Variants in ACTR3 observed in about 807,000 individuals in gnomAD.
ACTR3 encodes the protein actin related protein 3.
In ACTR3, 12 loss-of-function variants were observed where a neutral mutation model predicts 56.8. The ratio of observed to expected loss-of-function variants is 0.21; its 90% CI spans 0.14 to 0.34. ACTR3 has a LOEUF of 0.34. ACTR3 is among the 10% of genes least tolerant of loss of function. The probability of loss-of-function intolerance (pLI) is 1.00; values close to 1 mark genes in which losing one functional copy is unlikely to be tolerated. For missense variants in ACTR3, 282 were observed against 512.5 expected, an observed-to-expected ratio of 0.55 and a Z score of 4.34; for synonymous variants, 162 against 167.4, an observed-to-expected ratio of 0.97 and a Z score of 0.25.
intron 3 of ACTR3, among the ~76,000 whole-genome samples, chr2:113,923,475 A>AAGC (rs1679557383): frequency 6.6e-6 from 1 of 151,922 alleles, no homozygotes; most frequent in Admixed American, 6.6e-5. Context: ...AGTTGGGACT[A>AAGC]CAGGCGCCCA....
intron 5 of ACTR3, 72 bp downstream of exon 5, chr2:113,931,468 T>C: frequency 1.0e-6 from 1 of 1,002,394 alleles, no homozygotes; most frequent in Non-Finnish European, 1.4e-6. Context: ...CTAAAATACG[T>C]ACTTTTTTTT....
rs542852946 is a variant in ACTR3, at chr2:113,893,732, CT to C, written c.44+3418del. Among the ~76,000 whole-genome samples, 4 of 151,462 alleles carry C rather than the reference CT, an allele frequency of 2.6e-5. No individual in the cohort carries two copies. In the East Asian group the frequency reaches 5.8e-4, roughly 22 times the overall value. On this transcript the variant is annotated intron_variant, in intron 1 of 11. Coordinates refer to ENST00000263238, the MANE Select transcript of ACTR3 (RefSeq NM_005721.5). Reference sequence around the variant, plus strand: ...GTGAATTTCCTTTTCCCTTTTATGTCTTTTTTTTTCCCCTGGTAAATAAAAT... The same window carrying C: ...GTGAATTTCCTTTTCCCTTTTATGTCTTTTTTTTCCCCTGGTAAATAAAAT...
chr2:113,891,544 C>T (rs993106993), intron 1 of ACTR3, among the ~76,000 whole-genome samples: 3 of 148,930 alleles, frequency 2.0e-5, no homozygotes, highest in African/African-American at 7.5e-5. Context: ...CTGATGACAT[C>T]TCTCCAATTC....
At chr2:113,925,983 G>T (rs1340236369) in intron 3 of ACTR3, among the ~76,000 whole-genome samples, 1 of 152,130 alleles carries the variant, frequency 6.6e-6, no homozygotes, top group Admixed American at 6.5e-5. Context: ...TAGATCGAAA[G>T]AAATGTCTGA....
intron 11 of ACTR3, among the ~76,000 whole-genome samples, chr2:113,956,221 A>G (rs1680211640): frequency 6.6e-6 from 1 of 151,906 alleles, no homozygotes; most frequent in African/African-American, 2.4e-5. Flanking sequence ...TTATATATAT[A>G]TATTTAAGAT....
At chr2:113,923,724 C>G (rs909587371) in intron 3 of ACTR3, among the ~76,000 whole-genome samples, 1 of 146,450 alleles carries the variant, frequency 6.8e-6, no homozygotes, top group African/African-American at 2.6e-5. Flanking sequence ...GCACTGCTTT[C>G]AGTTCTCCTT....
intron 1 of ACTR3, among the ~76,000 whole-genome samples, chr2:113,905,797 A>G (rs1432003503): frequency 6.6e-6 from 1 of 152,146 alleles, no homozygotes; most frequent in Non-Finnish European, 1.5e-5. Flanking sequence ...AATGTATTCA[A>G]GGTTCATCCA....
At chr2:113,950,215 AG>A (rs1392897772) in intron 8 of ACTR3, among the ~76,000 whole-genome samples, 1 of 152,268 alleles carries the variant, frequency 6.6e-6, no homozygotes, top group Non-Finnish European at 1.5e-5. Flanking sequence ...CAATAGCACT[AG>A]AACACATGTC....
chr2:113,890,820 T>C, intron 1 of ACTR3: 1 of 991,062 alleles, frequency 1.0e-6, no homozygotes. Context: ...CTGCCCAGGG[T>C]GTGGGTGGGG....
Position 113,942,207 on chromosome 2 carries a change from C to A in ACTR3, c.706C>A (p.Pro236Thr). ...TCAGGAGCGCTATAGTTATGTCTGC[C>A]CAGATTTAGTAAAAGAATTTAACAA... ...AVKERYSYVC[P>T]DLVKEFNKYD... Residue 236 changes from proline (P) to threonine (T), a missense_variant, in exon 8 of 12, where the codon CCA (proline) becomes ACA (threonine). Physicochemically the swap from Pro to Thr is conservative, Grantham distance 38. Transcript: ENST00000263238. 6.3e-7 allele frequency: 1 copy of A among 1,581,324 alleles called. No homozygotes were observed. Among genetic ancestry groups the A allele is most frequent in the South Asian group, 1.2e-5 (1 of 83,848 alleles).
chr2:113,956,931 T>TC (rs1481629293), intron 11 of ACTR3, among the ~76,000 whole-genome samples: 3 of 152,200 alleles, frequency 2.0e-5, no homozygotes, highest in African/African-American at 7.2e-5. Flanking sequence ...GGAAGGCAAA[T>TC]GATCTAGACA....
rs774309417 is a variant in ACTR3, at chr2:113,957,505, T to C, written c.*50T>C. 6.9e-7 allele frequency: 1 copy of C among 1,450,544 alleles called. No individual in the cohort carries two copies. The highest frequency in any genetic ancestry group is 1.1e-5 in the South Asian group (1 of 87,564). 89.9% of individuals were successfully genotyped at this position (1,450,544 alleles called of 1,614,324 possible). ...TAGGGAGGTGGGGAAGAGATAATCT[T>C]TCTGATTACCTGTTTTGTCTGGATG... On this transcript the variant is annotated 3_prime_UTR_variant, in exon 12 of 12. Transcript: ENST00000263238.
At position 113,957,255 on chromosome 2, in the gene ACTR3, A is replaced by T. The variant is rs2104634719; in HGVS notation, c.1162-105A>T. ...TGAATGGACTAATAATAAACATTTT[A>T]GACTTAACATCTATTTTAAAGCATC... is the stretch of plus-strand genomic sequence containing the variant. On this transcript the variant is annotated intron_variant, in intron 11 of 11. Transcript: ENST00000263238. The T allele has an allele frequency of 4.0e-6, 3 of 748,990 alleles. No homozygotes were observed. In the East Asian group the frequency reaches 8.0e-5, roughly 20 times the overall value. The allele number at this position is 748,990 out of a possible 1,614,324, so 46.4% of individuals were successfully genotyped here.
chr2:113,910,870 T>C (rs576928343), intron 1 of ACTR3, among the ~76,000 whole-genome samples: 1 of 152,338 alleles, frequency 6.6e-6, no homozygotes, highest in East Asian at 1.9e-4. Flanking sequence ...GCTTGAATTG[T>C]GGTGGTGACA....
chr2:113,894,426 A>G (rs1244810689), intron 1 of ACTR3, among the ~76,000 whole-genome samples: 3 of 152,334 alleles, frequency 2.0e-5, no homozygotes, highest in Non-Finnish European at 2.9e-5. Flanking sequence ...CTCCAAAGGC[A>G]GAAATATTCA....
At position 113,890,292 on chromosome 2, in the gene ACTR3, C is replaced by G; in HGVS notation, c.13C>G (p.Leu5Val). Residue 5 changes from leucine to valine, a missense_variant, in exon 1 of 12, where the codon CTG (leucine) becomes GTG (valine). Transcript: ENST00000263238. Reference sequence around the variant, plus strand: ...GGCGAGGAGGAAGATGGCGGGACGGCTGCCGGCCTGTGTGGTGGACTGTGG... The same window carrying G: ...GGCGAGGAGGAAGATGGCGGGACGGGTGCCGGCCTGTGTGGTGGACTGTGG... MAGR[L>V]PACVVDCGTG... is the part of the protein sequence containing the mutation. The G allele has an allele frequency of 7.4e-7, 1 of 1,356,420 alleles. No individual in the cohort carries two copies. The highest frequency in any genetic ancestry group is 3.9e-5 in the East Asian group (1 of 25,454). The allele number at this position is 1,356,420 out of a possible 1,614,324, so 84.0% of individuals were successfully genotyped here.
At chr2:113,943,613 T>C (rs1479952281) in intron 8 of ACTR3, among the ~76,000 whole-genome samples, 1 of 152,160 alleles carries the variant, frequency 6.6e-6, no homozygotes, top group East Asian at 1.9e-4. Flanking sequence ...TCAGTGAGAA[T>C]GAGGAAGGAG....
intron 1 of ACTR3, among the ~76,000 whole-genome samples, chr2:113,906,129 C>T (rs1679188397): frequency 6.6e-6 from 1 of 152,202 alleles, no homozygotes; most frequent in East Asian, 1.9e-4. Flanking sequence ...ACAAGGGTTT[C>T]AGTTTCTTTA....
intron 2 of ACTR3, among the ~76,000 whole-genome samples, chr2:113,913,820 T>G (rs1679353437): frequency 6.6e-6 from 1 of 152,236 alleles, no homozygotes; most frequent in African/African-American, 2.4e-5. Flanking sequence ...CAGTAGTTTT[T>G]AAAAAATATT....
Sources: gnomAD v4.1 joint callset for allele counts (sites outside exome capture counted in the v4.1 genomes callset) on GRCh38, gnomAD v4.1.1 for gene constraint, MANE v1.5 for transcripts, NCBI Gene and HGNC (gene_info 2026-07-23, HGNC 2026-07-21) for gene names.